Variants in MSI2 observed in about 807,000 individuals in gnomAD.
The protein encoded by MSI2 is RNA-binding protein Musashi homolog 2.
A neutral mutation model predicts 45.6 loss-of-function variants in MSI2; 17 were observed. The ratio of observed to expected loss-of-function variants is 0.37; its 90% confidence interval spans 0.26 to 0.56. The LOEUF is 0.56. Among genes scored for constraint, MSI2 ranks in the 20% least tolerant of loss-of-function variants. The pLI, the probability that MSI2 is intolerant of heterozygous loss-of-function variation, is 0.77. For missense variants in MSI2, 293 were observed against 444.2 expected (o/e 0.66, Z 3.06); for synonymous variants, 156 against 158.2 (o/e 0.99, Z 0.11).
chr17:57,607,928 C>T (rs1906808633), intron 8 of MSI2, among the ~76,000 whole-genome samples: 1 of 152,118 alleles, frequency 6.6e-6, no homozygotes, highest in South Asian at 2.1e-4. Context: ...AGCAGGTGGC[C>T]CAAACCATTC....
intron 5 of MSI2, among the ~76,000 whole-genome samples, chr17:57,323,600 A>T (rs1014994419): frequency 2.0e-5 from 3 of 152,218 alleles, no homozygotes; most frequent in African/African-American, 7.2e-5. Context: ...GAGGGCCTGC[A>T]TCTGCCTGTG....
chr17:57,307,603 T>C (rs1912028990), intron 5 of MSI2, among the ~76,000 whole-genome samples: 1 of 152,204 alleles, frequency 6.6e-6, no homozygotes, highest in African/African-American at 2.4e-5. Context: ...TTTGTACTTT[T>C]TAGTAGAGAC....
chr17:57,696,873 C>T, the MSI2 span, among the ~76,000 whole-genome samples: 2 of 152,138 alleles, frequency 1.3e-5, no homozygotes, highest in African/African-American at 2.4e-5. Context: ...ATCCTTCTTC[C>T]CCAAACTCTT....
chr17:57,302,388 G>C (rs1911486748), intron 5 of MSI2, among the ~76,000 whole-genome samples: 1 of 152,210 alleles, frequency 6.6e-6, no homozygotes, highest in Non-Finnish European at 1.5e-5. Flanking sequence ...GGGATAACAG[G>C]TGTGTGCCAC....
intron 10 of MSI2, among the ~76,000 whole-genome samples, chr17:57,640,050 C>A (rs767381698): frequency 5.9e-5 from 9 of 152,164 alleles, no homozygotes; most frequent in Non-Finnish European, 1.0e-4. Flanking sequence ...GTGGAAGGAC[C>A]CAGGAAGGCT....
chr17:57,570,419 G>A (rs1244178796), intron 7 of MSI2, among the ~76,000 whole-genome samples: 1 of 152,182 alleles, frequency 6.6e-6, no homozygotes, highest in South Asian at 2.1e-4. Context: ...GGAGTTATGG[G>A]GTGGGTTGAA....
intron 5 of MSI2, among the ~76,000 whole-genome samples, chr17:57,272,707 G>C (rs922885859): frequency 4.6e-5 from 7 of 152,162 alleles, no homozygotes; most frequent in Non-Finnish European, 8.8e-5. Context: ...GAGCTCGAGA[G>C]TACCTGGCTC....
chr17:57,462,797 A>T (rs1180523268), intron 6 of MSI2, among the ~76,000 whole-genome samples: 1 of 152,242 alleles, frequency 6.6e-6, no homozygotes, highest in East Asian at 1.9e-4. Flanking sequence ...AATGTGGCAG[A>T]GGCCTCTGGA....
intron 7 of MSI2, among the ~76,000 whole-genome samples, chr17:57,550,339 G>A (rs947379459): frequency 5.3e-5 from 8 of 152,102 alleles, no homozygotes; most frequent in African/African-American, 1.7e-4. Flanking sequence ...TCTCCTTGAC[G>A]GACACCCCCG....
chr17:57,319,188 C>T (rs777660225), intron 5 of MSI2, among the ~76,000 whole-genome samples: 11 of 152,230 alleles, frequency 7.2e-5, no homozygotes, highest in South Asian at 2.1e-4. Flanking sequence ...AGAAATAGTG[C>T]GACAGGGGCG....
At chr17:57,430,345 T>C (rs2084571485) in intron 6 of MSI2, among the ~76,000 whole-genome samples, 1 of 152,188 alleles carries the variant, frequency 6.6e-6, no homozygotes, top group East Asian at 1.9e-4. Flanking sequence ...CAAATCTCAG[T>C]CCGCCTTCTT....
chr17:57,698,153 G>A, the MSI2 span, among the ~76,000 whole-genome samples: 1 of 152,096 alleles, frequency 6.6e-6, no homozygotes. Flanking sequence ...TCAGCAAATC[G>A]ACAGGCACTG....
intron 5 of MSI2, among the ~76,000 whole-genome samples, chr17:57,287,892 G>A (rs1910067810): frequency 6.6e-6 from 1 of 152,196 alleles, no homozygotes; most frequent in South Asian, 2.1e-4. Context: ...AACAGATGTG[G>A]TCAGATGAGC....
At chr17:57,399,865 C>T (rs1467652358) in intron 5 of MSI2, among the ~76,000 whole-genome samples, 1 of 152,204 alleles carries the variant, frequency 6.6e-6, no homozygotes, top group African/African-American at 2.4e-5. Context: ...TTTCCAGTGC[C>T]CTACAGCACA....
chr17:57,620,758 C>T lies in MSI2; in HGVS notation c.652+4674C>T, dbSNP rs62058124. ...TGGGCCCTCCTGAATTTCCCAGTGACTGTGGTGAGGCCATCCATATGCACT... is the reference window on the plus strand; with the variant it reads ...TGGGCCCTCCTGAATTTCCCAGTGATTGTGGTGAGGCCATCCATATGCACT... On this transcript the variant is annotated intron_variant, in intron 9 of 13. Coordinates refer to ENST00000284073, the MANE Select transcript of MSI2 (RefSeq NM_138962.4). Among the ~76,000 whole-genome samples, 1,058 of 152,314 alleles carry T rather than the reference C, an allele frequency of 6.9e-3. 9 individuals carry two copies. Among genetic ancestry groups the T allele is most frequent in the Non-Finnish European group, 0.011 (725 of 68,024 alleles).
intron 6 of MSI2, among the ~76,000 whole-genome samples, chr17:57,528,418 G>T (rs778376422): frequency 1.1e-4 from 16 of 152,132 alleles, no homozygotes; most frequent in Non-Finnish European, 2.1e-4. Context: ...AGGATGCGTG[G>T]GAGGGGTCTG....
chr17:57,464,470 G>T (rs778565805), intron 6 of MSI2, among the ~76,000 whole-genome samples: 1 of 152,156 alleles, frequency 6.6e-6, no homozygotes, highest in Non-Finnish European at 1.5e-5. Context: ...AAGCAGAGGT[G>T]TCTTAGAAGC....
chr17:57,607,665 TAAAG>T (rs1906770460), intron 8 of MSI2, among the ~76,000 whole-genome samples: 1 of 152,236 alleles, frequency 6.6e-6, no homozygotes, highest in South Asian at 2.1e-4. Flanking sequence ...CGCGTTGCTA[TAAAG>T]AAATACCTGA....
intron 10 of MSI2, chr17:57,630,931 C>A (rs1447625955): frequency 6.6e-6 from 1 of 152,244 alleles, no homozygotes; most frequent in Non-Finnish European, 1.5e-5. Context: ...AGAGATGGGG[C>A]AGCCCAGCCC....
Sources: gnomAD v4.1 joint callset for allele counts (sites outside exome capture counted in the v4.1 genomes callset) on GRCh38, gnomAD v4.1.1 for gene constraint, MANE v1.5 for transcripts, NCBI Gene and HGNC (gene_info 2026-07-23, HGNC 2026-07-21) for gene names.